Variants in GRM8 observed in about 807,000 individuals in gnomAD.
The protein encoded by GRM8 is metabotropic glutamate receptor 8.
In GRM8, 47 loss-of-function variants were observed where a neutral mutation model predicts 87.2. That is an observed-to-expected ratio of 0.54 (90% CI 0.43 to 0.69). The LOEUF is 0.69. Ranked by LOEUF, GRM8 falls within the 30% of genes least tolerant of loss-of-function variation. The probability of loss-of-function intolerance (pLI) is 0.00; values close to 1 mark genes in which losing one functional copy is unlikely to be tolerated. For synonymous variants in GRM8, 396 were observed against 404.5 expected, an observed-to-expected ratio of 0.98 and a Z score of 0.25; for missense variants, 1,019 against 1,139.2, an observed-to-expected ratio of 0.89 and a Z score of 1.52.
intron 9 of GRM8, among the ~76,000 whole-genome samples, chr7:126,491,871 C>T (rs1297778212): frequency 2.6e-5 from 4 of 151,988 alleles, no homozygotes. Flanking sequence ...ATCATTCATA[C>T]AGATCATATA....
chr7:126,573,533 T>C (rs1459935670), intron 8 of GRM8, among the ~76,000 whole-genome samples: 3 of 151,996 alleles, frequency 2.0e-5, no homozygotes, highest in East Asian at 3.9e-4. Context: ...GAAGAGGGTA[T>C]AAAAGACAGC....
intron 3 of GRM8, among the ~76,000 whole-genome samples, chr7:126,939,355 C>T (rs1806660263): frequency 6.6e-6 from 1 of 152,182 alleles, no homozygotes; most frequent in South Asian, 2.1e-4. Context: ...AACACCCAGT[C>T]TTTGAATTAT....
chr7:127,195,028 TCTTATTATAGATCACTCCCACAGCAA>T (rs1795210929), intron 2 of GRM8, among the ~76,000 whole-genome samples: 1 of 152,162 alleles, frequency 6.6e-6, no homozygotes, highest in Admixed American at 6.6e-5. Flanking sequence ...CAAATAGTGA[TCTTATTATAGATCACTCCCACAGCAA>T]CTTGGTCCTT....
chr7:126,464,063 C>T (rs948816691), intron 9 of GRM8, among the ~76,000 whole-genome samples: 4 of 151,600 alleles, frequency 2.6e-5, no homozygotes, highest in Admixed American at 2.6e-4. Flanking sequence ...TGAGTATCTT[C>T]TTCTGAAAGT....
intron 8 of GRM8, among the ~76,000 whole-genome samples, chr7:126,561,401 G>A (rs1023751962): frequency 3.3e-5 from 5 of 151,842 alleles, no homozygotes; most frequent in African/African-American, 4.8e-5. Flanking sequence ...AACCCAGGGC[G>A]GAGGTTGCAG....
chr7:127,209,640 T>C lies in GRM8; in HGVS notation c.510+33055A>G, dbSNP rs577691988. ...GAAAAGGGGCAGGGTCCTTTGGGGA[T>C]TGTAATGCACCCAAGGGGAAATCCC... On this transcript the variant is annotated intron_variant, in intron 2 of 10. Coordinates refer to ENST00000339582, the MANE Select transcript of GRM8 (RefSeq NM_000845.3). Among the ~76,000 whole-genome samples, 7 of 152,110 alleles carry C rather than the reference T, an allele frequency of 4.6e-5. No homozygotes were observed. In the South Asian group the frequency reaches 6.2e-4, roughly 14 times the overall value.
At chr7:126,622,772 C>A (rs1800306637) in intron 7 of GRM8, among the ~76,000 whole-genome samples, 1 of 152,180 alleles carries the variant, frequency 6.6e-6, no homozygotes. Context: ...ACTCATTCAG[C>A]TACTGCTTCA....
At chr7:126,612,578 A>G (rs1799027089) in intron 7 of GRM8, among the ~76,000 whole-genome samples, 1 of 152,182 alleles carries the variant, frequency 6.6e-6, no homozygotes, top group African/African-American at 2.4e-5. Context: ...CTTACTATCC[A>G]TTCTGTACCT....
At chr7:126,461,345 C>T (rs1236332350) in intron 9 of GRM8, among the ~76,000 whole-genome samples, 1 of 151,468 alleles carries the variant, frequency 6.6e-6, no homozygotes, top group Admixed American at 6.6e-5. Flanking sequence ...TTTTAGTGTG[C>T]TTTGTACTCC....
chr7:126,895,077 T>TA (rs1443910140), intron 6 of GRM8, among the ~76,000 whole-genome samples: 1 of 152,066 alleles, frequency 6.6e-6, no homozygotes, highest in Non-Finnish European at 1.5e-5. Flanking sequence ...AGTAATTTAG[T>TA]AATTAAGCTT....
At chr7:127,193,452 T>C (rs1795122839) in intron 2 of GRM8, among the ~76,000 whole-genome samples, 2 of 152,298 alleles carry the variant, frequency 1.3e-5, no homozygotes, top group South Asian at 4.1e-4. Flanking sequence ...AACCTACTTT[T>C]CTTTATTGGA....
Position 126,881,055 on chromosome 7 carries a change from G to A in GRM8, c.1156+21487C>T, listed in dbSNP as rs1430124459. 2.6e-5 allele frequency among the ~76,000 whole-genome samples: 4 copies of A among 152,192 alleles called. No individual in the cohort carries two copies. The East Asian group carries it at 7.7e-4, about 29-fold the overall frequency. On this transcript the variant is annotated intron_variant, in intron 6 of 10. Transcript: ENST00000339582. ...CTAGTGCTAGTGATCCTAATGTAGA[G>A]CTTTCAAACATGCTTTGAAAATTAT...
chr7:127,110,625 A>T (rs908501500), intron 2 of GRM8, among the ~76,000 whole-genome samples: 2 of 152,024 alleles, frequency 1.3e-5, no homozygotes, highest in African/African-American at 2.4e-5. Flanking sequence ...TTTAAAAAAA[A>T]ATTGTTTTGG....
At chr7:127,121,728 T>G (rs1827101549) in intron 2 of GRM8, among the ~76,000 whole-genome samples, 1 of 152,006 alleles carries the variant, frequency 6.6e-6, no homozygotes, top group South Asian at 2.1e-4. Context: ...AAGGGGGAAG[T>G]GCCACACACT....
intron 7 of GRM8, among the ~76,000 whole-genome samples, chr7:126,647,061 C>T (rs1192733160): frequency 6.6e-6 from 1 of 152,008 alleles, no homozygotes; most frequent in African/African-American, 2.4e-5. Flanking sequence ...GTGGGTAATG[C>T]TGGAAGGTCT....
intron 8 of GRM8, among the ~76,000 whole-genome samples, chr7:126,601,349 G>A (rs1350426222): frequency 2.0e-5 from 3 of 152,184 alleles, no homozygotes; most frequent in South Asian, 2.1e-4. Context: ...CATTTGGGTT[G>A]GTTCCAAGTC....
chr7:126,878,584 G>A (rs1311604208), intron 6 of GRM8, among the ~76,000 whole-genome samples: 4 of 144,650 alleles, frequency 2.8e-5, no homozygotes, highest in East Asian at 2.2e-4. Flanking sequence ...CAGTGGCACC[G>A]TCTCAGCTCA....
chr7:127,109,290 T>G (rs750662847), intron 2 of GRM8, among the ~76,000 whole-genome samples: 9 of 152,018 alleles, frequency 5.9e-5, no homozygotes, highest in Non-Finnish European at 8.8e-5. Flanking sequence ...AAGAAGTTGC[T>G]AGGAAAAGCA....
At chr7:126,719,658 T>C (rs981171500) in intron 7 of GRM8, among the ~76,000 whole-genome samples, 2 of 152,182 alleles carry the variant, frequency 1.3e-5, no homozygotes, top group Admixed American at 1.3e-4. Flanking sequence ...ATAGCTGTGA[T>C]AGCTGAAGTT....
Sources: gnomAD v4.1 joint callset for allele counts (sites outside exome capture counted in the v4.1 genomes callset) on GRCh38, gnomAD v4.1.1 for gene constraint, MANE v1.5 for transcripts, NCBI Gene and HGNC (gene_info 2026-07-23, HGNC 2026-07-21) for gene names.